ANXA6: variants seen among roughly 807,000 people sequenced by gnomAD.
The protein encoded by ANXA6 is annexin A6, also known as 67 kDa calelectrin.
ANXA6 carries 71 observed loss-of-function variants against 95.4 expected under a neutral mutation model. The observed-to-expected ratio is 0.74, with a 90% CI of 0.61 to 0.91. The LOEUF is 0.91. Among genes scored for constraint, ANXA6 ranks in the 40% least tolerant of loss-of-function variants. ANXA6 has a pLI of 0.00. For synonymous variants in ANXA6, 289 were observed against 315.9 expected, an observed-to-expected ratio of 0.91 and a Z score of 0.90; for missense variants, 830 against 876.4, an observed-to-expected ratio of 0.95 and a Z score of 0.67.
chr5:151,120,706 G>A (rs191165944), intron 17 of ANXA6, among the ~76,000 whole-genome samples: 3 of 152,176 alleles, frequency 2.0e-5, no homozygotes, highest in East Asian at 1.9e-4. Context: ...GCGAAAGAGC[G>A]AGACTCCGTC....
chr5:151,126,936 T>C (rs1765342048), intron 13 of ANXA6, among the ~76,000 whole-genome samples: 1 of 152,164 alleles, frequency 6.6e-6, no homozygotes. Context: ...AGGCTGGTCT[T>C]GAACTCCTGA....
chr5:151,125,779 A>G (rs749977676), intron 14 of ANXA6, among the ~76,000 whole-genome samples: 1 of 152,202 alleles, frequency 6.6e-6, no homozygotes, highest in Non-Finnish European at 1.5e-5. Context: ...GTCCTAGAAC[A>G]TCAGAGCTCA....
intron 22 of ANXA6, 59 bp downstream of exon 22, chr5:151,109,694 C>A: frequency 7.4e-7 from 1 of 1,353,504 alleles, no homozygotes; most frequent in Non-Finnish European, 1.0e-6. Flanking sequence ...AGCTGAGAGG[C>A]TCTCATCAGA....
At chr5:151,113,400 T>G (rs1441082412) in intron 20 of ANXA6, among the ~76,000 whole-genome samples, 1 of 152,062 alleles carries the variant, frequency 6.6e-6, no homozygotes, top group East Asian at 1.9e-4. Context: ...AAACTCCATC[T>G]CAAAATAAAT....
At chr5:151,148,721 C>T (rs1342194457) in intron 1 of ANXA6, among the ~76,000 whole-genome samples, 5 of 151,982 alleles carry the variant, frequency 3.3e-5, no homozygotes, top group Non-Finnish European at 5.9e-5. Context: ...GGGTGTAGTC[C>T]CAGGTGGAGG....
At chr5:151,137,397 G>T in intron 5 of ANXA6, 76 bp from the exon 6 acceptor site, 1 of 1,243,014 alleles carries the variant, frequency 8.0e-7, no homozygotes. Flanking sequence ...ATCAGGGAGT[G>T]GCCAGAGCTA....
At chr5:151,111,375 A>C (rs2113900057) in intron 20 of ANXA6, among the ~76,000 whole-genome samples, 1 of 152,322 alleles carries the variant, frequency 6.6e-6, no homozygotes, top group South Asian at 2.1e-4. Context: ...AACTCTGCTG[A>C]CTTTATTCTA....
Position 151,115,442 on chromosome 5 carries a change from C to T in ANXA6, c.1572+1685G>A, listed in dbSNP as rs1254561501. On this transcript the variant is annotated intron_variant, in intron 20 of 25. Transcript: ENST00000354546. ...TATTTCCACCCGGGTTCTCTCTCTC[C>T]ACTTCTCTCCTTTTGCGAAGCAGCT... is the stretch of plus-strand genomic sequence containing the variant. 2.6e-5 allele frequency among the ~76,000 whole-genome samples: 4 copies of T among 152,144 alleles called. No homozygotes were observed. In the East Asian group the frequency reaches 7.7e-4, roughly 29 times the overall value.
intron 20 of ANXA6, among the ~76,000 whole-genome samples, chr5:151,116,777 C>G (rs1765011108): frequency 6.6e-6 from 1 of 152,196 alleles, no homozygotes; most frequent in Non-Finnish European, 1.5e-5. Context: ...CCCAGACCAG[C>G]TCTCTAGGGG....
Position 151,100,978 on chromosome 5 carries a change from TG to T in ANXA6, c.*469del, listed in dbSNP as rs1409066280. 8.7e-6 allele frequency: 4 copies of T among 457,448 alleles called. No individual in the cohort carries two copies. The highest frequency in any genetic ancestry group is 1.8e-5 in the Non-Finnish European group (4 of 227,908). The allele number at this position is 457,448 out of a possible 1,614,324, so 28.3% of individuals were successfully genotyped here. On this transcript the variant is annotated 3_prime_UTR_variant, in exon 26 of 26. Coordinates refer to ENST00000354546, the MANE Select transcript of ANXA6 (RefSeq NM_001155.5). ...CTAGCGCGGCCTGGATGGAGATGGG[TG>T]GTGAAATGGATGGGAAGATTTGTCA...
chr5:151,141,646 T>G (rs1292578519), intron 2 of ANXA6: 1 of 985,330 alleles, frequency 1.0e-6, no homozygotes, highest in Non-Finnish European at 1.2e-6. Context: ...CTGGATGCTC[T>G]CTGGTCTCTG....
intron 6 of ANXA6, 90 bp downstream of exon 6, chr5:151,137,141 G>T: frequency 1.8e-6 from 2 of 1,082,454 alleles, no homozygotes; most frequent in Non-Finnish European, 2.8e-6. Flanking sequence ...AGGAGAGAAG[G>T]TAGATGGCTA....
chr5:151,122,828 C>T (rs1765207352), intron 16 of ANXA6, 89 bp downstream of exon 16: 2 of 1,180,690 alleles, frequency 1.7e-6, no homozygotes, highest in South Asian at 1.2e-5. Flanking sequence ...ACCCTGGTGC[C>T]CAACTGTGCA....
intron 1 of ANXA6, among the ~76,000 whole-genome samples, chr5:151,149,051 C>G (rs990936505): frequency 1.3e-5 from 2 of 151,560 alleles, no homozygotes; most frequent in African/African-American, 4.9e-5. Context: ...CATGGTGGCA[C>G]ATGCCTATAG....
rs983975172 is a variant in ANXA6, at chr5:151,137,317, A to G, written c.323T>C (p.Ile108Thr). The G allele has an allele frequency of 2.5e-6, 4 of 1,612,108 alleles. No individual in the cohort carries two copies. The highest frequency in any genetic ancestry group is 2.7e-5 in the African/African-American group (2 of 74,870). Reference protein sequence around the residue: ...AKEIKDAISGIGTDEKCLIEI... With the variant: ...AKEIKDAISGTGTDEKCLIEI... Reference sequence around the variant, plus strand: ...AATGAGGCACTTCTCATCAGTGCCAATGCCCTGGGGGTAGAAAAAGAGCGC... The same window carrying G: ...AATGAGGCACTTCTCATCAGTGCCAGTGCCCTGGGGGTAGAAAAAGAGCGC... Residue 108 changes from isoleucine (I) to threonine (T), a missense_variant, in exon 6 of 26, where the codon ATT (isoleucine) becomes ACT (threonine). By Grantham distance (89) the Ile-to-Thr change is moderately conservative (BLOSUM62 -1). Transcript: ENST00000354546.
intron 7 of ANXA6, among the ~76,000 whole-genome samples, chr5:151,136,035 G>A (rs1352200513): frequency 1.3e-5 from 2 of 152,198 alleles, no homozygotes; most frequent in Non-Finnish European, 2.9e-5. Flanking sequence ...GCCCAGAGAG[G>A]AGCGGGAGGA....
chr5:151,142,588 G>A (rs1198544272), intron 2 of ANXA6, among the ~76,000 whole-genome samples: 1 of 152,182 alleles, frequency 6.6e-6, no homozygotes, highest in African/African-American at 2.4e-5. Flanking sequence ...TTGAGTCCAT[G>A]GAGAATGGAG....
In ANXA6 at chr5:151,124,266, T is replaced by C. The variant is rs1765251010; in HGVS notation, c.1138+20A>G. ...CTGCTGCCCTGGAGACCAACCCTGC[T>C]CCCTTCCCATCCCCCATACCGAGTC... On this transcript the variant is annotated intron_variant, in intron 15 of 25. Coordinates refer to ENST00000354546, the MANE Select transcript of ANXA6 (RefSeq NM_001155.5). The C allele has an allele frequency of 3.1e-6, 5 of 1,611,500 alleles. No individual in the cohort carries two copies. The highest frequency in any genetic ancestry group is 4.2e-6 in the Non-Finnish European group (5 of 1,178,490).
chr5:151,128,472 A>G (rs528117408), intron 12 of ANXA6: 8 of 504,090 alleles, frequency 1.6e-5, no homozygotes, highest in African/African-American at 1.5e-4. Context: ...ACTTCTAGCA[A>G]TGGACAATTT....
Sources: gnomAD v4.1 joint callset for allele counts (sites outside exome capture counted in the v4.1 genomes callset) on GRCh38, gnomAD v4.1.1 for gene constraint, MANE v1.5 for transcripts, NCBI Gene and HGNC (gene_info 2026-07-23, HGNC 2026-07-21) for gene names.